ACO1: variants seen among roughly 807,000 people sequenced by gnomAD.
ACO1 encodes aconitase 1.
ACO1 carries 78 observed loss-of-function variants against 105.1 expected under a neutral mutation model. The observed-to-expected ratio is 0.74, with a 90% CI of 0.62 to 0.90. ACO1 has a LOEUF of 0.90. Ranked by LOEUF, ACO1 falls within the 40% of genes least tolerant of loss-of-function variation. The pLI is 0.00. For missense variants in ACO1, 965 were observed against 1,111.1 expected, an observed-to-expected ratio of 0.87 and a Z score of 1.87; for synonymous variants, 364 against 397.4, an observed-to-expected ratio of 0.92 and a Z score of 1.00.
intron 19 of ACO1, 136 bp from the exon 20 acceptor site, chr9:32,448,760 C>T (rs985973928): frequency 1.2e-6 from 1 of 855,634 alleles, no homozygotes; most frequent in African/African-American, 1.7e-5. Context: ...CCTTCTGTGT[C>T]AGTCTCACTG....
chr9:32,411,884 T>G (rs1469661059), intron 4 of ACO1, among the ~76,000 whole-genome samples: 1 of 152,128 alleles, frequency 6.6e-6, no homozygotes, highest in East Asian at 1.9e-4. Context: ...ATTTATTTAT[T>G]TATTTATTTT....
chr9:32,418,007 T>C (rs1821887650), intron 4 of ACO1, 121 bp from the exon 5 acceptor site: 1 of 803,856 alleles, frequency 1.2e-6, no homozygotes, highest in East Asian at 2.7e-5. Flanking sequence ...ATGAATGAAA[T>C]TCATATTATC....
rs1308589938 is a variant in ACO1, at chr9:32,439,759, A to G, written c.2248-706A>G. On this transcript the variant is annotated intron_variant, in intron 18 of 20. Transcript: ENST00000309951. The surrounding 1 kb of genome is among the most constrained non-coding windows in gnomAD (Gnocchi z 4.0). The stretch of plus-strand genomic sequence containing the variant: ...CATGTTACCTTCTTTGTGTTTTGCT[A>G]ATTTTACAACTGACATCACCGAGTT... 2.0e-5 allele frequency among the ~76,000 whole-genome samples: 3 copies of G among 152,198 alleles called. No homozygotes were observed. The highest frequency in any genetic ancestry group is 4.4e-5 in the Non-Finnish European group (3 of 68,026).
chr9:32,412,411 G>A (rs1439925670), intron 4 of ACO1, among the ~76,000 whole-genome samples: 1 of 152,138 alleles, frequency 6.6e-6, no homozygotes, highest in East Asian at 1.9e-4. Flanking sequence ...TTATAATTAA[G>A]TCACTTAAGA....
At position 32,450,277 on chromosome 9, in the gene ACO1, G is replaced by A; in HGVS notation, c.*166G>A. ...CAATCCTGTAGGCACAAAACCAGAA[G>A]TTTCTACATTCTCTATTTTTGTTAA... On this transcript the variant is annotated 3_prime_UTR_variant, in exon 21 of 21. Coordinates refer to ENST00000309951, the MANE Select transcript of ACO1 (RefSeq NM_002197.3). 1.4e-6 allele frequency: 1 copy of A among 719,490 alleles called. No individual in the cohort carries two copies. Among genetic ancestry groups the A allele is most frequent in the Non-Finnish European group, 2.6e-6 (1 of 388,826 alleles). The allele number at this position is 719,490 out of a possible 1,614,324, so 44.6% of individuals were successfully genotyped here. A position where few individuals can be genotyped will look rare whatever the true frequency, so the allele number is the denominator to read the frequency against.
At position 32,448,761 on chromosome 9, in the gene ACO1, A is replaced by C. The variant is rs1822681686; in HGVS notation, c.2371-135A>C. 1.0e-5 allele frequency: 9 copies of C among 859,152 alleles called. No individual in the cohort carries two copies. In the Admixed American group the frequency reaches 1.7e-4, roughly 16 times the overall value. The allele number at this position is 859,152 out of a possible 1,614,324, so 53.2% of individuals were successfully genotyped here. A position where few individuals can be genotyped will look rare whatever the true frequency, so the allele number is the denominator to read the frequency against. ...GCAGAAATCACTCGCCTTCTGTGTC[A>C]GTCTCACTGGGAGCTGCAGACTGGA... On this transcript the variant is annotated intron_variant, in intron 19 of 20. Transcript: ENST00000309951.
chr9:32,443,063 A>G (rs1259824568), intron 19 of ACO1, among the ~76,000 whole-genome samples: 2 of 152,084 alleles, frequency 1.3e-5, no homozygotes, highest in African/African-American at 4.8e-5. Context: ...TCTTTTGTTT[A>G]TTTTTGTTTT....
At chr9:32,400,343 G>C (rs1360809106) in intron 1 of ACO1, among the ~76,000 whole-genome samples, 7 of 148,822 alleles carry the variant, frequency 4.7e-5, no homozygotes, top group African/African-American at 7.3e-5. Context: ...AACAAATTTG[G>C]TATCCTGCTG....
At chr9:32,399,968 T>G (rs1821457086) in intron 1 of ACO1, among the ~76,000 whole-genome samples, 1 of 43,706 alleles carries the variant, frequency 2.3e-5, no homozygotes, top group Non-Finnish European at 4.5e-5. Flanking sequence ...CTTTTTCTGT[T>G]TTTTTTTTTT....
chr9:32,438,938 T>C (rs911474146), intron 18 of ACO1, among the ~76,000 whole-genome samples: 8 of 152,222 alleles, frequency 5.3e-5, no homozygotes, highest in African/African-American at 1.9e-4. Flanking sequence ...TTAAACATAA[T>C]ACCTAGAGAT....
rs780753581 is a variant in ACO1, at chr9:32,421,050, A to T, written c.970+23A>T. 1.3e-5 allele frequency: 21 copies of T among 1,602,350 alleles called. No homozygotes were observed. In the South Asian group the frequency reaches 2.3e-4, roughly 18 times the overall value. ...CAGGTAAGTGAAGGGCCCTGAAAGC[A>T]TCGGGCTTTTTGTAAAAGTTCCATG... On this transcript the variant is annotated intron_variant, in intron 8 of 20. Coordinates refer to ENST00000309951, the MANE Select transcript of ACO1 (RefSeq NM_002197.3).
intron 1 of ACO1, among the ~76,000 whole-genome samples, chr9:32,404,429 C>T (rs1821561771): frequency 6.6e-6 from 1 of 151,380 alleles, no homozygotes; most frequent in Admixed American, 6.6e-5. Context: ...TTGGTTTTGC[C>T]ATCATGCCAC....
At chr9:32,445,441 G>C (rs912903839) in intron 19 of ACO1, 2 of 161,668 alleles carry the variant, frequency 1.2e-5, no homozygotes, top group Non-Finnish European at 2.7e-5. Flanking sequence ...TTGTATTTCC[G>C]GGGGATCACT....
chr9:32,454,071 G>A lies in ACO1; in HGVS notation c.*3960G>A, dbSNP rs1318474138. ...GTATGCAGGCTGGATACCTGCTACT[G>A]TGCTTCTACAGGATGTTAACAGTGT... On this transcript the variant is annotated 3_prime_UTR_variant, in exon 21 of 21. Transcript: ENST00000309951. The A allele has an allele frequency of 6.6e-6, 1 of 152,198 alleles. No homozygotes were observed. Among genetic ancestry groups the A allele is most frequent in the African/African-American group, 2.4e-5 (1 of 41,454 alleles). 9.4% of individuals were successfully genotyped at this position (152,198 alleles called of 1,614,324 possible).
In ACO1 at chr9:32,392,600, G is replaced by A. The variant is rs927141683; in HGVS notation, c.-23+7865G>A. Among the ~76,000 whole-genome samples the A allele has an allele frequency of 3.9e-5, 6 of 152,240 alleles. 1 individual carries two copies. On this transcript the variant is annotated intron_variant, in intron 1 of 20. Coordinates refer to ENST00000309951, the MANE Select transcript of ACO1 (RefSeq NM_002197.3). The stretch of plus-strand genomic sequence containing the variant: ...CAGGAGATCTTATCCCAGATCCACC[G>A]TGTCTAAAACCAACATCTCAGTTCC...
intron 1 of ACO1, among the ~76,000 whole-genome samples, chr9:32,395,082 C>G (rs74650780): frequency 0.15 from 22,210 of 152,242 alleles, 2,099 homozygotes; most frequent in South Asian, 0.29. Flanking sequence ...CTGAGGAAAT[C>G]ATGCTGCTTT....
chr9:32,445,580 AT>A, intron 19 of ACO1: 1 of 305,660 alleles, frequency 3.3e-6, no homozygotes, highest in Non-Finnish European at 6.7e-6. Context: ...CATTGATTTG[AT>A]TTTTTGAACA....
rs1473115765 is a variant in ACO1 at position 32,419,184 on chromosome 9, A to G, written c.798+7A>G. ...CGTGCTCACCATTACCAAGGTAACA[A>G]TGTGCATCCTCTTCTGTGGTCTTGG... On this transcript the variant is annotated splice_region_variant and intron_variant, in intron 7 of 20. Coordinates refer to ENST00000309951, the MANE Select transcript of ACO1 (RefSeq NM_002197.3). 5.1e-6 allele frequency: 8 copies of G among 1,571,400 alleles called. No individual in the cohort carries two copies. In the East Asian group the frequency reaches 7.1e-5, roughly 14 times the overall value.
intron 1 of ACO1, among the ~76,000 whole-genome samples, chr9:32,398,507 G>A (rs1159989990): frequency 6.6e-6 from 1 of 150,810 alleles, no homozygotes; most frequent in Non-Finnish European, 1.5e-5. Flanking sequence ...CACAAAACCT[G>A]TTTACAAGGA....
Sources: gnomAD v4.1 joint callset for allele counts (sites outside exome capture counted in the v4.1 genomes callset) on GRCh38, gnomAD v4.1.1 for gene constraint, Gnocchi (gnomAD v3.1) non-coding constraint, MANE v1.5 for transcripts, NCBI Gene and HGNC (gene_info 2026-07-23, HGNC 2026-07-21) for gene names.